SPATA9: variants seen among roughly 807,000 people sequenced by gnomAD.
SPATA9 encodes spermatogenesis associated 9.
SPATA9 carries 27 observed loss-of-function variants against 25.5 expected under a neutral mutation model. The observed-to-expected ratio is 1.06, with a 90% CI of 0.78 to 1.46. The LOEUF is 1.46. Ranked by LOEUF, SPATA9 falls within the 40% of genes most tolerant of loss-of-function variation. SPATA9 has a pLI of 0.00. For missense variants in SPATA9, 282 were observed against 297.5 expected (o/e 0.95, Z 0.38); for synonymous variants, 102 against 105.7 (o/e 0.97, Z 0.21).
the SPATA9 span, among the ~76,000 whole-genome samples, chr5:95,716,113 T>C: frequency 6.6e-6 from 1 of 152,168 alleles, no homozygotes; most frequent in Non-Finnish European, 1.5e-5. Context: ...GAGGGAAATA[T>C]GGGGTGGGAG....
intron 1 of SPATA9, among the ~76,000 whole-genome samples, chr5:95,695,386 T>A (rs934712811): frequency 1.2e-4 from 19 of 152,092 alleles, no homozygotes; most frequent in African/African-American, 4.6e-4. Context: ...TCACTTGAGG[T>A]CGGGAGTTTG....
At chr5:95,727,941 T>C in the SPATA9 span, among the ~76,000 whole-genome samples, 39 of 152,198 alleles carry the variant, frequency 2.6e-4, no homozygotes, top group Non-Finnish European at 5.4e-4. Context: ...CAAGGACTGG[T>C]TCCACACTGC....
intron 1 of SPATA9, among the ~76,000 whole-genome samples, chr5:95,697,785 C>T (rs377748053): frequency 3.3e-5 from 5 of 152,004 alleles, no homozygotes; most frequent in Non-Finnish European, 4.4e-5. Flanking sequence ...CTTTTACATT[C>T]GAGAAAATAC....
chr5:95,728,373 C>G, the SPATA9 span, among the ~76,000 whole-genome samples: 40 of 152,280 alleles, frequency 2.6e-4, no homozygotes, highest in Non-Finnish European at 4.7e-4. Context: ...GATGTCTGTC[C>G]AGTTCTTTGA....
At chr5:95,706,417 CA>C in the SPATA9 span, among the ~76,000 whole-genome samples, 1 of 151,794 alleles carries the variant, frequency 6.6e-6, no homozygotes, top group Non-Finnish European at 1.5e-5. Context: ...GCTCCAGCCA[CA>C]AATGGGTGGA....
At chr5:95,675,159 A>C (rs922035641) in intron 3 of SPATA9, among the ~76,000 whole-genome samples, 2 of 152,204 alleles carry the variant, frequency 1.3e-5, no homozygotes, top group African/African-American at 4.8e-5. Context: ...ATTTAACATA[A>C]ATGGTAATTT....
chr5:95,668,113 C>T (rs1467493827), intron 3 of SPATA9, among the ~76,000 whole-genome samples: 1 of 152,134 alleles, frequency 6.6e-6, no homozygotes, highest in Non-Finnish European at 1.5e-5. Flanking sequence ...TCAGGTATTT[C>T]TTTATAGAAG....
rs142845987 is a variant in SPATA9, at chr5:95,665,100, T to C, written c.379-1052A>G. 1.9e-3 allele frequency among the ~76,000 whole-genome samples: 295 copies of C among 152,312 alleles called. 1 individual carries two copies. Among genetic ancestry groups the C allele is most frequent in the African/African-American group, 6.9e-3 (285 of 41,574 alleles). On this transcript the variant is annotated intron_variant, in intron 3 of 4. Transcript: ENST00000274432. Reference sequence around the variant, plus strand: ...AATTGACACATTGTAATGGTACATATTTAAGGAGTACAATTTGATGTTCCC... The same window carrying C: ...AATTGACACATTGTAATGGTACATACTTAAGGAGTACAATTTGATGTTCCC...
At chr5:95,655,469 T>C (rs560153537), downstream of SPATA9, 2 of 152,400 alleles carry the variant, frequency 1.3e-5, no homozygotes, top group South Asian at 2.1e-4. Context: ...ACATGCAGAA[T>C]CTTGTCACCC....
At chr5:95,715,517 T>G in the SPATA9 span, among the ~76,000 whole-genome samples, 19 of 152,270 alleles carry the variant, frequency 1.2e-4, no homozygotes, top group African/African-American at 4.6e-4. Context: ...AAAAATGAAA[T>G]TCAAACAATA....
intron 1 of SPATA9, among the ~76,000 whole-genome samples, chr5:95,690,981 A>G (rs1382060503): frequency 6.6e-6 from 1 of 152,070 alleles, no homozygotes; most frequent in East Asian, 1.9e-4. Flanking sequence ...TCAGTTATAC[A>G]TGTAGTCTCT....
chr5:95,718,796 G>A, the SPATA9 span, among the ~76,000 whole-genome samples: 1 of 152,188 alleles, frequency 6.6e-6, no homozygotes, highest in African/African-American at 2.4e-5. Context: ...AATCTCAGTT[G>A]GATAGGGAAG....
the SPATA9 span, chr5:95,713,671 C>T: frequency 2.6e-5 from 4 of 152,150 alleles, no homozygotes; most frequent in African/African-American, 9.7e-5. Context: ...GACTAACACA[C>T]CAGTAGATAA....
upstream of SPATA9, among the ~76,000 whole-genome samples, chr5:95,702,131 G>T (rs1754193612): frequency 6.6e-6 from 1 of 151,862 alleles, no homozygotes; most frequent in Non-Finnish European, 1.5e-5. Context: ...AGTAGGGGAA[G>T]AAACCAAAAA....
At chr5:95,654,504 A>G (rs1561387928), downstream of SPATA9, 11 of 659,498 alleles carry the variant, frequency 1.7e-5, no homozygotes, top group Non-Finnish European at 2.3e-5. Context: ...ATAAATGAGA[A>G]ATATGCTTAT....
chr5:95,714,594 G>A, the SPATA9 span, among the ~76,000 whole-genome samples: 1 of 152,122 alleles, frequency 6.6e-6, no homozygotes, highest in South Asian at 2.1e-4. Context: ...AGTGGTGGAG[G>A]AAGAAAATTT....
At chr5:95,672,724 G>C (rs1176074791) in intron 3 of SPATA9, among the ~76,000 whole-genome samples, 1 of 152,108 alleles carries the variant, frequency 6.6e-6, no homozygotes, top group Non-Finnish European at 1.5e-5. Flanking sequence ...TATCACACTT[G>C]ATCTCTAAAT....
intron 2 of SPATA9, among the ~76,000 whole-genome samples, chr5:95,677,417 A>T (rs757411206): frequency 1.3e-5 from 2 of 152,226 alleles, no homozygotes; most frequent in Non-Finnish European, 2.9e-5. Flanking sequence ...ATTAGAAACC[A>T]CACAGAAAGT....
At chr5:95,686,894 T>C (rs919493374), upstream of SPATA9, among the ~76,000 whole-genome samples, 2 of 152,176 alleles carry the variant, frequency 1.3e-5, no homozygotes, top group Non-Finnish European at 2.9e-5. Context: ...GTAGTCTTCC[T>C]AAACTTTCTA....
Sources: gnomAD v4.1 joint callset for allele counts (sites outside exome capture counted in the v4.1 genomes callset) on GRCh38, gnomAD v4.1.1 for gene constraint, MANE v1.5 for transcripts, NCBI Gene and HGNC (gene_info 2026-07-23, HGNC 2026-07-21) for gene names.